HTR3A: variants seen among roughly 807,000 people sequenced by gnomAD.
HTR3A encodes 5-hydroxytryptamine (serotonin) receptor 3A, ionotropic.
In HTR3A, 45 loss-of-function variants were observed where a neutral mutation model predicts 54.8. That is an observed-to-expected ratio of 0.82 (90% CI 0.65 to 1.05). The LOEUF (loss-of-function observed/expected upper bound fraction) is 1.05. HTR3A is among the 50% of genes least tolerant of loss of function. The probability of loss-of-function intolerance (pLI) is 0.00; values close to 1 mark genes in which losing one functional copy is unlikely to be tolerated. For missense variants in HTR3A, 657 were observed against 614.0 expected (o/e 1.07, Z -0.74); for synonymous variants, 297 against 256.0 (o/e 1.16, Z -1.53).
At chr11:113,976,606 TG>T (rs1950354671) in intron 1 of HTR3A, among the ~76,000 whole-genome samples, 1 of 130,386 alleles carries the variant, frequency 7.7e-6, no homozygotes, top group Non-Finnish European at 1.7e-5. Context: ...TGTGTGTGTG[TG>T]TGTGTGTTCT....
Position 113,989,758 on chromosome 11 carries a change from G to T in HTR3A, c.1432G>T (p.Ala478Ser). ...TATGCTCTGGTCCATCTGGCAGTAC[G>T]CTTGAGTGGGTACAGCCCAGTGGAG... ...LVMLWSIWQY[A>S] Residue 478 changes from alanine (A) to serine (S), a missense_variant, in exon 9 of 9, where the codon GCT (alanine) becomes TCT (serine). Coordinates refer to ENST00000504030, the MANE Select transcript of HTR3A (RefSeq NM_000869.6). This position sits in a 1 kb window ranked among gnomAD's most constrained non-coding sequence, Gnocchi z 4.4. 2 of 1,609,746 alleles carry T rather than the reference G, an allele frequency of 1.2e-6. No individual in the cohort carries two copies.
intron 5 of HTR3A, among the ~76,000 whole-genome samples, chr11:113,984,789 G>A (rs1451396366): frequency 1.3e-5 from 2 of 152,124 alleles, no homozygotes; most frequent in Non-Finnish European, 1.5e-5. Context: ...GCAGTGGCAG[G>A]CGCCTGTAAT....
At chr11:113,975,466 C>T (rs1950340761) in intron 1 of HTR3A, 74 bp downstream of exon 1, 1 of 1,279,230 alleles carries the variant, frequency 7.8e-7, no homozygotes, top group Admixed American at 1.8e-5. Context: ...CTTCAGTCCT[C>T]CGAGGGCTGT....
At chr11:113,988,225 A>C (rs1450787667) in intron 8 of HTR3A, among the ~76,000 whole-genome samples, 3 of 152,188 alleles carry the variant, frequency 2.0e-5, no homozygotes, top group Non-Finnish European at 4.4e-5. Context: ...CTACTGCCTA[A>C]TTTACCTTGG....
rs746739129 is a variant in HTR3A, at chr11:113,987,014, C to T, written c.1106C>T (p.Thr369Ile). 34 of 1,613,804 alleles carry T rather than the reference C, an allele frequency of 2.1e-5. No individual in the cohort carries two copies. In the African/African-American group the frequency reaches 2.5e-4, roughly 12 times the overall value. ...TCAACTTCCCAGAGGCCCCCAGCCA[C>T]CTCCCAAGCCACCAAGACTGATGAC... The part of the protein sequence containing the change: ...EQSTSQRPPA[T>I]SQATKTDDCS... Residue 369 changes from threonine (T) to isoleucine (I), a missense_variant, in exon 8 of 9, where the codon ACC (threonine) becomes ATC (isoleucine). Thr to Ile is a moderately conservative substitution (Grantham distance 89). Transcript: ENST00000504030.
In HTR3A at chr11:113,978,355, G is replaced by A. The variant is rs193274905; in HGVS notation, c.219+433G>A. ...CTCAATTCCTTCATCAACTACCACA[G>A]TAGGGTGGGGTGCACTACTCAGAAG... is the stretch of plus-strand genomic sequence containing the variant. On this transcript the variant is annotated intron_variant, in intron 2 of 8. Coordinates refer to ENST00000504030, the MANE Select transcript of HTR3A (RefSeq NM_000869.6). 1.1e-3 allele frequency among the ~76,000 whole-genome samples: 163 copies of A among 152,262 alleles called. No homozygotes were observed. The East Asian group carries it at 0.013, about 12-fold the overall frequency.
At chr11:113,979,827 G>T (rs574180306) in intron 3 of HTR3A, among the ~76,000 whole-genome samples, 2 of 152,210 alleles carry the variant, frequency 1.3e-5, no homozygotes, top group Admixed American at 6.5e-5. Flanking sequence ...ACTATCCAAG[G>T]GTCCTGCTCT....
At chr11:113,975,463 C>T in intron 1 of HTR3A, 71 bp downstream of exon 1, 1 of 1,288,180 alleles carries the variant, frequency 7.8e-7, no homozygotes, top group African/African-American at 1.5e-5. Flanking sequence ...ATGCTTCAGT[C>T]CTCCGAGGGC....
chr11:113,983,092 C>T lies in HTR3A; in HGVS notation c.375-28C>T, dbSNP rs1412539199. ...CAGAGCTTGCCCTGTCTCTTGAGCT[C>T]CCAAACTAACCCCTTTTCCCCCGCC... On this transcript the variant is annotated intron_variant, in intron 4 of 8. Coordinates refer to ENST00000504030, the MANE Select transcript of HTR3A (RefSeq NM_000869.6). The T allele has an allele frequency of 1.9e-6, 3 of 1,614,028 alleles. No individual in the cohort carries two copies. The African/African-American group carries it at 4.0e-5, about 22-fold the overall frequency.
chr11:113,975,432 T>C (rs1045282514), intron 1 of HTR3A, 40 bp downstream of exon 1: 6 of 1,540,158 alleles, frequency 3.9e-6, no homozygotes, highest in Middle Eastern at 1.7e-4. Context: ...TGGCTGACCA[T>C]CTGCTGAGGT....
intron 1 of HTR3A, 110 bp downstream of exon 1, chr11:113,975,502 G>T (rs997963712): frequency 2.9e-5 from 25 of 873,402 alleles, no homozygotes; most frequent in Non-Finnish European, 4.1e-5. Flanking sequence ...GAACAGTGCA[G>T]CTGCAGGAAG....
chr11:113,989,118 G>T lies in HTR3A; in HGVS notation c.1139-347G>T, dbSNP rs1365390730. Among the ~76,000 whole-genome samples, 6 of 151,982 alleles carry T rather than the reference G, an allele frequency of 3.9e-5. No homozygotes were observed. Among genetic ancestry groups the T allele is most frequent in the Admixed American group, 3.3e-4 (5 of 15,258 alleles). ...CTCACACCTGTAATCCCAGCACCAC[G>T]GGAGGCCAAAGTAGGCGGATCACTT... On this transcript the variant is annotated intron_variant, in intron 8 of 8. Transcript: ENST00000504030. This position sits in a 1 kb window ranked among gnomAD's most constrained non-coding sequence, Gnocchi z 4.4.
chr11:113,985,190 T>C (rs1950474630), intron 5 of HTR3A, among the ~76,000 whole-genome samples: 1 of 152,228 alleles, frequency 6.6e-6, no homozygotes, highest in African/African-American at 2.4e-5. Context: ...CTATGGAAAC[T>C]ACATGGAAAT....
intron 1 of HTR3A, 112 bp downstream of exon 1, chr11:113,975,504 T>C (rs1286892364): frequency 1.2e-6 from 1 of 848,662 alleles, no homozygotes. Flanking sequence ...ACAGTGCAGC[T>C]GCAGGAAGGT....
At chr11:113,979,365 G>A (rs1374857066) in intron 3 of HTR3A, 88 bp downstream of exon 3, 2 of 1,042,404 alleles carry the variant, frequency 1.9e-6, no homozygotes, top group Non-Finnish European at 3.0e-6. Flanking sequence ...CTTGGCGAGG[G>A]AAGGTGAGCG....
At position 113,983,212 on chromosome 11, in the gene HTR3A, C is replaced by T; in HGVS notation, c.467C>T (p.Ala156Val). The T allele has an allele frequency of 6.2e-7, 1 of 1,614,212 alleles. No individual in the cohort carries two copies. Among genetic ancestry groups the T allele is most frequent in the Non-Finnish European group, 8.5e-7 (1 of 1,180,034 alleles). The stretch of plus-strand genomic sequence containing the variant: ...TACAAGCCCCTTCAGGTGGTGACTG[C>T]CTGTAGCCTCGACATCTACAACTTC... ...QNYKPLQVVTACSLDIYNFPF... is the reference protein window; with the variant it reads ...QNYKPLQVVTVCSLDIYNFPF... The change falls in exon 5 of 9, where the codon GCC becomes GTC. Residue 156 changes from alanine to valine, a missense_variant. Coordinates refer to ENST00000504030, the MANE Select transcript of HTR3A (RefSeq NM_000869.6).
Position 113,986,616 on chromosome 11 carries a change from C to G in HTR3A, c.804C>G (p.Pro268=), listed in dbSNP as rs752600861. 1.2e-6 allele frequency: 2 copies of G among 1,613,752 alleles called. No homozygotes were observed. The highest frequency in any genetic ancestry group is 1.7e-6 in the Non-Finnish European group (2 of 1,180,036). ...ACATCGTGGGCTTCTACCTGCCCCC[C>G]AACAGTGGCGAGAGGGTCTCTTTCA... is the stretch of plus-strand genomic sequence containing the variant. The part of the protein sequence containing the change: ...VMDIVGFYLP[P]NSGERVSFKI... Residue 268 remains proline, a synonymous_variant, in exon 7 of 9, where the codon CCC becomes CCG. Coordinates refer to ENST00000504030, the MANE Select transcript of HTR3A (RefSeq NM_000869.6).
Position 113,989,810 on chromosome 11 carries a change from G to C in HTR3A, c.*47G>C. 6.3e-7 allele frequency: 1 copy of C among 1,592,230 alleles called. No homozygotes were observed. Among genetic ancestry groups the C allele is most frequent in the South Asian group, 1.1e-5 (1 of 90,848 alleles). On this transcript the variant is annotated 3_prime_UTR_variant, in exon 9 of 9. Transcript: ENST00000504030. The surrounding 1 kb of genome is among the most constrained non-coding windows in gnomAD (Gnocchi z 4.4). The stretch of plus-strand genomic sequence containing the variant: ...AGGGGGTACAGTCCTGGTTAGGTGG[G>C]GACAGAGGATTTCTGCTTAGGCCCC...
chr11:113,985,983 T>C (rs1020846914), intron 5 of HTR3A, 32 bp from the exon 6 acceptor site: 11 of 1,613,336 alleles, frequency 6.8e-6, no homozygotes, highest in Non-Finnish European at 8.5e-6. Flanking sequence ...GGGTACTAGA[T>C]TCCAAAGCTG....
Sources: allele counts gnomAD v4.1 joint callset (sites outside exome capture counted in the v4.1 genomes callset), GRCh38; gene constraint gnomAD v4.1.1; non-coding constraint Gnocchi (gnomAD v3.1); transcripts MANE v1.5; gene names NCBI Gene and HGNC (gene_info 2026-07-23, HGNC 2026-07-21).